SNX8: variants seen among roughly 807,000 people sequenced by gnomAD.
SNX8 encodes the protein sorting nexin 8.
In SNX8, 25 loss-of-function variants were observed where a neutral mutation model predicts 51.6. The ratio of observed to expected loss-of-function variants is 0.48; its 90% CI spans 0.35 to 0.68. SNX8 has a LOEUF of 0.68. SNX8 is among the 30% of genes least tolerant of loss of function. The pLI, the probability that SNX8 is intolerant of heterozygous loss-of-function variation, is 0.00. For synonymous variants in SNX8, 324 were observed against 277.0 expected, an observed-to-expected ratio of 1.17 and a Z score of -1.68; for missense variants, 695 against 624.0, an observed-to-expected ratio of 1.11 and a Z score of -1.21.
At chr7:2,278,020 C>T (rs1158570431) in intron 2 of SNX8, 80 bp downstream of exon 2, 3 of 1,542,500 alleles carry the variant, frequency 1.9e-6, no homozygotes, top group African/African-American at 1.4e-5. Context: ...TCTCCTGTCA[C>T]ACCACTCCTG....
At chr7:2,272,210 A>G (rs1198060791) in intron 3 of SNX8, among the ~76,000 whole-genome samples, 1 of 152,164 alleles carries the variant, frequency 6.6e-6, no homozygotes, top group African/African-American at 2.4e-5. Flanking sequence ...GCTGCCAAGG[A>G]AAACCACAGA....
chr7:2,263,136 C>A, intron 7 of SNX8, 94 bp downstream of exon 7: 1 of 1,432,774 alleles, frequency 7.0e-7, no homozygotes, highest in Non-Finnish European at 9.5e-7. Flanking sequence ...AAAACAAAAA[C>A]GAACTGTGAC....
chr7:2,311,334 G>A (rs908299507), intron 1 of SNX8, among the ~76,000 whole-genome samples: 91 of 152,172 alleles, frequency 6.0e-4, no homozygotes, highest in African/African-American at 2.1e-3. Flanking sequence ...CACACACATA[G>A]TCTCCGGACA....
rs188108848 is a variant in SNX8, at chr7:2,348,877, G to C, written c.-66+5345C>G. Reference sequence around the variant, plus strand: ...TGAGGCAGAAGAATCATTTGAACCCGGGAGGCGGAGTTACAGTGAGCAGAG... The same window carrying C: ...TGAGGCAGAAGAATCATTTGAACCCCGGAGGCGGAGTTACAGTGAGCAGAG... On this transcript the variant is annotated intron_variant, in intron 1 of 5. Coordinates refer to the SNX8 transcript ENST00000435336. 4.5e-3 allele frequency among the ~76,000 whole-genome samples: 684 copies of C among 150,542 alleles called. 3 individuals carry two copies. The highest frequency in any genetic ancestry group is 7.3e-3 in the Non-Finnish European group (492 of 67,672).
chr7:2,329,485 C>T (rs186405495), intron 1 of SNX8, among the ~76,000 whole-genome samples: 19 of 152,212 alleles, frequency 1.2e-4, no homozygotes, highest in African/African-American at 4.3e-4. Context: ...CTCCATGGTC[C>T]TTGCTACAGT....
chr7:2,331,462 T>C (rs761783615), intron 1 of SNX8, among the ~76,000 whole-genome samples: 33 of 151,936 alleles, frequency 2.2e-4, no homozygotes, highest in African/African-American at 8.0e-4. Context: ...ATCCCAGCAC[T>C]TTAGGAGGTC....
chr7:2,353,017 G>A (rs925061659), intron 1 of SNX8, among the ~76,000 whole-genome samples: 2 of 152,088 alleles, frequency 1.3e-5, no homozygotes, highest in African/African-American at 4.8e-5. Flanking sequence ...GGATGGGATG[G>A]GTGTGGTGGC....
chr7:2,313,535 A>AAAAAG (rs1440318716), intron 1 of SNX8, among the ~76,000 whole-genome samples: 15 of 149,572 alleles, frequency 1.0e-4, no homozygotes, highest in African/African-American at 3.3e-4. Flanking sequence ...AAAAAAAAAA[A>AAAAAG]AAAAGAAAAG....
intron 1 of SNX8, among the ~76,000 whole-genome samples, chr7:2,351,617 G>A (rs1248380432): frequency 6.6e-6 from 1 of 151,824 alleles, no homozygotes; most frequent in Non-Finnish European, 1.5e-5. Context: ...CGGATCACGA[G>A]GTCAGGAGAG....
intron 1 of SNX8, among the ~76,000 whole-genome samples, chr7:2,345,330 A>G (rs1779001169): frequency 6.6e-6 from 1 of 152,192 alleles, no homozygotes; most frequent in South Asian, 2.1e-4. Context: ...GGGTCTGTGG[A>G]GTGCAGCACG....
chr7:2,317,300 A>G (rs902653683), upstream of SNX8, among the ~76,000 whole-genome samples: 2 of 75,498 alleles, frequency 2.6e-5, no homozygotes, highest in African/African-American at 1.1e-4. Flanking sequence ...TTTTTTTGAG[A>G]CAGAGTCTCA....
chr7:2,340,174 T>G (rs1778895541), intron 1 of SNX8, among the ~76,000 whole-genome samples: 1 of 152,010 alleles, frequency 6.6e-6, no homozygotes, highest in Non-Finnish European at 1.5e-5. Context: ...GTGATTCTCC[T>G]GCCTCAGCTT....
At chr7:2,303,566 A>T (rs375342166) in intron 1 of SNX8, among the ~76,000 whole-genome samples, 1 of 152,232 alleles carries the variant, frequency 6.6e-6, no homozygotes, top group Non-Finnish European at 1.5e-5. Context: ...GTGTCTGTGT[A>T]GAAAGAAGTA....
intron 1 of SNX8, among the ~76,000 whole-genome samples, chr7:2,329,302 AT>A (rs1412485422): frequency 1.3e-5 from 2 of 151,184 alleles, no homozygotes; most frequent in African/African-American, 2.4e-5. Context: ...AAAATAAAAA[AT>A]AAATAAATAA....
At chr7:2,344,611 CAA>C (rs11370817) in intron 1 of SNX8, among the ~76,000 whole-genome samples, 14 of 134,326 alleles carry the variant, frequency 1.0e-4, no homozygotes, top group Non-Finnish European at 2.0e-4. Context: ...GACTCCAACT[CAA>C]AAAAAAAAAA....
intron 1 of SNX8, among the ~76,000 whole-genome samples, chr7:2,340,329 C>T (rs918636659): frequency 6.6e-6 from 1 of 151,738 alleles, no homozygotes; most frequent in African/African-American, 2.4e-5. Flanking sequence ...ACCTTGGCCT[C>T]CCAAAGTGCT....
chr7:2,321,288 C>T (rs1315145826), intron 1 of SNX8, among the ~76,000 whole-genome samples: 1 of 152,160 alleles, frequency 6.6e-6, no homozygotes, highest in African/African-American at 2.4e-5. Flanking sequence ...CTTCATACAT[C>T]GTCAGCTCCG....
rs1024275886 is a variant in SNX8, at chr7:2,314,414, C to T, written c.8G>A (p.Gly3Asp). 3 of 1,216,934 alleles carry T rather than the reference C, an allele frequency of 2.5e-6. No individual in the cohort carries two copies. Among genetic ancestry groups the T allele is most frequent in the Non-Finnish European group, 3.1e-6 (3 of 978,126 alleles). The allele number at this position is 1,216,934 out of a possible 1,614,324, so 75.4% of individuals were successfully genotyped here. Residue 3 changes from glycine to aspartate, a missense_variant, in exon 1 of 11, where the codon GGC (glycine) becomes GAC (aspartate). Physicochemically the swap from Gly to Asp is moderately conservative, Grantham distance 94. Transcript: ENST00000222990. Reference sequence around the variant, plus strand: ...CGCGGGCAGCGGGTCCATCGCGCGGCCAGTCATGTGAGCCCGCGCTCCCAC... The same window carrying T: ...CGCGGGCAGCGGGTCCATCGCGCGGTCAGTCATGTGAGCCCGCGCTCCCAC... MT[G>D]RAMDPLPAAA...
At chr7:2,287,224 C>A (rs1796051750) in intron 1 of SNX8, among the ~76,000 whole-genome samples, 1 of 150,714 alleles carries the variant, frequency 6.6e-6, no homozygotes, top group Non-Finnish European at 1.5e-5. Context: ...CTCAAGCAAT[C>A]CAGCCTGGGC....
Sources: allele counts gnomAD v4.1 joint callset (sites outside exome capture counted in the v4.1 genomes callset), GRCh38; gene constraint gnomAD v4.1.1; transcripts MANE v1.5; gene names NCBI Gene and HGNC (gene_info 2026-07-23, HGNC 2026-07-21).